The following KCNH8 variants were observed in gnomAD, a reference collection of about 807,000 sequenced individuals.
KCNH8 encodes the protein voltage-gated delayed rectifier potassium channel KCNH8.
Under a neutral mutation model 103.6 loss-of-function variants are expected in KCNH8, and 70 were observed. The ratio of observed to expected loss-of-function variants is 0.68; its 90% CI spans 0.56 to 0.82. The LOEUF is 0.82. Among genes scored for constraint, KCNH8 ranks in the 40% least tolerant of loss-of-function variants. KCNH8 has a pLI of 0.00. For synonymous variants in KCNH8, 498 were observed against 489.4 expected (o/e 1.02, Z -0.23); for missense variants, 1,217 against 1,329.9 (o/e 0.92, Z 1.32).
At chr3:19,264,101 G>A (rs2064472813) in intron 2 of KCNH8, among the ~76,000 whole-genome samples, 1 of 152,006 alleles carries the variant, frequency 6.6e-6, no homozygotes, top group African/African-American at 2.4e-5. Context: ...AAGATTTTAT[G>A]AAGATTCTCC....
chr3:19,325,438 G>A (rs1028575560), intron 3 of KCNH8, among the ~76,000 whole-genome samples: 2 of 151,990 alleles, frequency 1.3e-5, no homozygotes, highest in African/African-American at 4.8e-5. Flanking sequence ...TGCAAACTAT[G>A]CATCTAACAA....
At chr3:19,255,934 C>T (rs78561329) in intron 2 of KCNH8, among the ~76,000 whole-genome samples, 5,458 of 152,218 alleles carry the variant, frequency 0.036, 144 homozygotes, top group Non-Finnish European at 0.055. Flanking sequence ...GATCCACTTT[C>T]CACTCCAGAC....
intron 1 of KCNH8, among the ~76,000 whole-genome samples, chr3:19,235,082 G>A (rs949610463): frequency 1.3e-5 from 2 of 152,190 alleles, no homozygotes; most frequent in African/African-American, 2.4e-5. Context: ...GTTTGGTGAC[G>A]TTAGGAGAAA....
At chr3:19,283,834 T>G (rs1357373034) in intron 3 of KCNH8, among the ~76,000 whole-genome samples, 1 of 151,278 alleles carries the variant, frequency 6.6e-6, no homozygotes, top group Non-Finnish European at 1.5e-5. Flanking sequence ...TCCCAGCTAT[T>G]TGGGAGGCTG....
intron 11 of KCNH8, among the ~76,000 whole-genome samples, chr3:19,496,406 G>A (rs968602769): frequency 1.3e-5 from 2 of 152,216 alleles, no homozygotes; most frequent in South Asian, 4.1e-4. Context: ...AACATGAAGT[G>A]ATGTTGAATT....
intron 1 of KCNH8, among the ~76,000 whole-genome samples, chr3:19,163,108 T>A (rs1035648404): frequency 6.6e-6 from 1 of 151,574 alleles, no homozygotes; most frequent in Non-Finnish European, 1.5e-5. Flanking sequence ...ATGAAAAAAA[T>A]AAAAATAATG....
intron 3 of KCNH8, among the ~76,000 whole-genome samples, chr3:19,335,427 G>A (rs796558764): frequency 2.7e-5 from 4 of 147,820 alleles, no homozygotes; most frequent in Admixed American, 6.8e-5. Context: ...ATATGTGTGT[G>A]TATATATATG....
chr3:19,534,108 C>G lies in KCNH8; in HGVS notation c.*9C>G. 6.3e-7 allele frequency: 1 copy of G among 1,587,634 alleles called. No individual in the cohort carries two copies. Among genetic ancestry groups the G allele is most frequent in the Non-Finnish European group, 8.6e-7 (1 of 1,158,386 alleles). ...AAGCCATAAATGTATGATATTAGTG[C>G]CCATGATGCAGCAGCTAATTTCAAA... On this transcript the variant is annotated 3_prime_UTR_variant, in exon 16 of 16. Coordinates refer to ENST00000328405, the MANE Select transcript of KCNH8 (RefSeq NM_144633.3).
At chr3:19,393,938 T>C (rs1301133623) in intron 6 of KCNH8, among the ~76,000 whole-genome samples, 2 of 152,080 alleles carry the variant, frequency 1.3e-5, no homozygotes, top group East Asian at 3.9e-4. Flanking sequence ...ATCTAATAAA[T>C]ATTTATTGAG....
At chr3:19,424,564 G>A (rs959025361) in intron 7 of KCNH8, among the ~76,000 whole-genome samples, 3 of 152,018 alleles carry the variant, frequency 2.0e-5, no homozygotes, top group African/African-American at 7.2e-5. Context: ...AAGAGTTCAT[G>A]ACCAAGAACT....
chr3:19,351,675 A>G (rs2065804231), intron 5 of KCNH8, among the ~76,000 whole-genome samples: 2 of 152,170 alleles, frequency 1.3e-5, no homozygotes, highest in South Asian at 4.1e-4. Flanking sequence ...CTTTACAGAC[A>G]AGCAAATGCT....
rs1184286051 is a variant in KCNH8, at chr3:19,419,192, TTGG to T, written c.1178-18970_1178-18968del. 3.5e-3 allele frequency among the ~76,000 whole-genome samples: 371 copies of T among 105,470 alleles called. 9 individuals carry two copies. The highest frequency in any genetic ancestry group is 0.014 in the African/African-American group (343 of 23,852). 69.2% of individuals were successfully genotyped at this position (105,470 alleles called of 152,430 possible). ...ACAAAAAGAAGTAATTAAAATGGTT[TTGG>T]TTTTTTTTTTTTTTTTTTTTTTGAG... is the stretch of plus-strand genomic sequence containing the variant. On this transcript the variant is annotated intron_variant, in intron 7 of 15. Coordinates refer to ENST00000328405, the MANE Select transcript of KCNH8 (RefSeq NM_144633.3).
rs188749228 is a variant in KCNH8, at chr3:19,490,220, G to C, written c.2041-20143G>C. ...CCTTAATCACCTGCTTCCTGGTCAGGAAACCACGAAATGTAGCAGGATGAG... is the reference window on the plus strand; with the variant it reads ...CCTTAATCACCTGCTTCCTGGTCAGCAAACCACGAAATGTAGCAGGATGAG... On this transcript the variant is annotated intron_variant, in intron 11 of 15. Transcript: ENST00000328405. Among the ~76,000 whole-genome samples, 505 of 152,298 alleles carry C rather than the reference G, an allele frequency of 3.3e-3. 10 individuals carry two copies. Among genetic ancestry groups the C allele is most frequent in the Non-Finnish European group, 9.7e-4 (66 of 68,018 alleles).
At chr3:19,416,114 A>G (rs771999523) in intron 7 of KCNH8, among the ~76,000 whole-genome samples, 4 of 151,992 alleles carry the variant, frequency 2.6e-5, no homozygotes, top group Non-Finnish European at 5.9e-5. Flanking sequence ...GGGACTTTTG[A>G]AGTTGATTCT....
intron 1 of KCNH8, among the ~76,000 whole-genome samples, chr3:19,167,905 A>G (rs1300729359): frequency 2.6e-5 from 4 of 151,892 alleles, no homozygotes; most frequent in Non-Finnish European, 4.4e-5. Context: ...ATTTAGTTCT[A>G]TGCCATTTTA....
At chr3:19,187,713 C>A (rs1209049717) in intron 1 of KCNH8, among the ~76,000 whole-genome samples, 2 of 151,964 alleles carry the variant, frequency 1.3e-5, no homozygotes, top group Non-Finnish European at 2.9e-5. Flanking sequence ...AGATACAGAG[C>A]CTCTTTATGT....
intron 11 of KCNH8, among the ~76,000 whole-genome samples, chr3:19,464,192 A>C (rs2067689917): frequency 6.6e-6 from 1 of 152,174 alleles, no homozygotes. Flanking sequence ...GTATGAATGC[A>C]AGGCTGTACA....
At chr3:19,455,798 C>G (rs1226896286) in intron 10 of KCNH8, among the ~76,000 whole-genome samples, 1 of 152,028 alleles carries the variant, frequency 6.6e-6, no homozygotes, top group Non-Finnish European at 1.5e-5. Flanking sequence ...ATAGCCATAC[C>G]ATGGCAACCC....
intron 1 of KCNH8, among the ~76,000 whole-genome samples, chr3:19,251,646 C>A (rs2064279323): frequency 6.6e-6 from 1 of 152,126 alleles, no homozygotes; most frequent in East Asian, 1.9e-4. Context: ...GGAGTACCTT[C>A]TTTCCCATGG....
Sources: allele counts gnomAD v4.1 joint callset (sites outside exome capture counted in the v4.1 genomes callset), GRCh38; gene constraint gnomAD v4.1.1; transcripts MANE v1.5; gene names NCBI Gene and HGNC (gene_info 2026-07-23, HGNC 2026-07-21).